SLC22A23: variants seen among roughly 807,000 people sequenced by gnomAD.
SLC22A23 encodes solute carrier family 22 member 23, also known as ion transporter protein.
A neutral mutation model predicts 61.0 loss-of-function variants in SLC22A23; 26 were observed. The ratio of observed to expected loss-of-function variants is 0.43; its 90% CI spans 0.31 to 0.59. SLC22A23 has a LOEUF of 0.59. SLC22A23 is among the 20% of genes least tolerant of loss of function. The probability of loss-of-function intolerance (pLI) is 0.11; values close to 1 mark genes in which losing one functional copy is unlikely to be tolerated. For missense variants in SLC22A23, 796 were observed against 934.7 expected (o/e 0.85, Z 1.94); for synonymous variants, 430 against 413.9 (o/e 1.04, Z -0.47).
At chr6:3,273,958 C>T (rs954109779) in intron 9 of SLC22A23, among the ~76,000 whole-genome samples, 5 of 152,190 alleles carry the variant, frequency 3.3e-5, no homozygotes, top group Admixed American at 6.5e-5. Flanking sequence ...TGATGGCCCA[C>T]GTGTCTCCTG....
At chr6:3,373,217 G>A (rs565763805) in intron 3 of SLC22A23, among the ~76,000 whole-genome samples, 28 of 152,334 alleles carry the variant, frequency 1.8e-4, no homozygotes, top group South Asian at 1.7e-3. Flanking sequence ...TCTCTAGTGC[G>A]ATTCCCTGGT....
intron 4 of SLC22A23, among the ~76,000 whole-genome samples, chr6:3,314,225 G>T (rs1381965071): frequency 2.6e-5 from 4 of 152,224 alleles, no homozygotes; most frequent in African/African-American, 9.6e-5. Context: ...TTCCTCCCAG[G>T]ACAGAAGTGT....
At chr6:3,299,028 G>A (rs1282325255) in intron 4 of SLC22A23, among the ~76,000 whole-genome samples, 1 of 150,814 alleles carries the variant, frequency 6.6e-6, no homozygotes, top group African/African-American at 2.5e-5. Context: ...TGATATTTGC[G>A]ATGATGGGCA....
chr6:3,289,787 G>A lies in SLC22A23; in HGVS notation c.1290C>T (p.Asn430=), dbSNP rs770532705. ...ACGAGTTCACACACAGGACCACAAT[G>A]TTCTTCCACAGGTTCCGTGTCCCCA... ...KVVGTRNLWK[N]IVVLCVNSLT... Residue 430 remains asparagine (N), a synonymous_variant, in exon 6 of 10, where the codon AAC becomes AAT. Coordinates refer to ENST00000406686, the MANE Select transcript of SLC22A23 (RefSeq NM_015482.2). 1.9e-6 allele frequency: 3 copies of A among 1,613,826 alleles called. No homozygotes were observed. Among genetic ancestry groups the A allele is most frequent in the South Asian group, 2.2e-5 (2 of 91,082 alleles).
chr6:3,435,871 C>T (rs533502523), intron 1 of SLC22A23, among the ~76,000 whole-genome samples: 4 of 152,162 alleles, frequency 2.6e-5, no homozygotes, highest in African/African-American at 9.7e-5. Flanking sequence ...GAGATGAGGA[C>T]ACAGACACAC....
In SLC22A23 at chr6:3,427,173, C is replaced by A. The variant is rs924988329; in HGVS notation, c.655-11318G>T. ...GGGGGCTCAGTTTTAACATCTATGACGTAGGAGTCGCAAAACCTTCACCAG... is the reference window on the plus strand; with the variant it reads ...GGGGGCTCAGTTTTAACATCTATGAAGTAGGAGTCGCAAAACCTTCACCAG... On this transcript the variant is annotated intron_variant, in intron 1 of 9. Coordinates refer to ENST00000406686, the MANE Select transcript of SLC22A23 (RefSeq NM_015482.2). The surrounding 1 kb of genome is among the most constrained non-coding windows in gnomAD (Gnocchi z 4.3). 6.6e-6 allele frequency among the ~76,000 whole-genome samples: 1 copy of A among 152,112 alleles called. No individual in the cohort carries two copies.
intron 3 of SLC22A23, among the ~76,000 whole-genome samples, chr6:3,332,815 A>G (rs1277796461): frequency 1.3e-5 from 2 of 152,062 alleles, no homozygotes; most frequent in South Asian, 2.1e-4. Context: ...CACATATTAC[A>G]TATCTTAATT....
chr6:3,273,479 G>C, intron 9 of SLC22A23, 67 bp from the exon 10 acceptor site: 1 of 1,562,884 alleles, frequency 6.4e-7, no homozygotes, highest in South Asian at 1.1e-5. Context: ...GGAAAGCTCG[G>C]GGTGGACCAG....
chr6:3,400,627 G>T (rs1768319931), intron 3 of SLC22A23, among the ~76,000 whole-genome samples: 1 of 152,240 alleles, frequency 6.6e-6, no homozygotes, highest in Non-Finnish European at 1.5e-5. Context: ...CAGCTACCTT[G>T]TTAAAGGTCA....
intron 3 of SLC22A23, among the ~76,000 whole-genome samples, chr6:3,394,535 C>A (rs913246862): frequency 4.6e-5 from 7 of 152,172 alleles, no homozygotes; most frequent in Non-Finnish European, 8.8e-5. Flanking sequence ...CCTACTGCAT[C>A]AAAGAGGAAA....
At chr6:3,337,865 TAAGGATTATTTTGAGTTG>T (rs776595074) in intron 3 of SLC22A23, among the ~76,000 whole-genome samples, 30 of 152,354 alleles carry the variant, frequency 2.0e-4, no homozygotes, top group Non-Finnish European at 3.8e-4. Context: ...TACTTTCGCA[TAAGGATTATTTTGAGTTG>T]AAGGCAATTG....
At chr6:3,395,719 A>T (rs1463684275) in intron 3 of SLC22A23, among the ~76,000 whole-genome samples, 4 of 152,190 alleles carry the variant, frequency 2.6e-5, no homozygotes. Flanking sequence ...AAAATTACGC[A>T]AAAAGGCAAC....
intron 4 of SLC22A23, among the ~76,000 whole-genome samples, chr6:3,298,675 G>A (rs1375111599): frequency 1.3e-5 from 2 of 152,104 alleles, no homozygotes; most frequent in Non-Finnish European, 2.9e-5. Flanking sequence ...CTAGGAGGAG[G>A]ATGTTAAATG....
At chr6:3,276,092 C>T (rs1581580912) in intron 9 of SLC22A23, among the ~76,000 whole-genome samples, 1 of 152,270 alleles carries the variant, frequency 6.6e-6, no homozygotes, top group Middle Eastern at 3.4e-3. Flanking sequence ...TCTCAGAATG[C>T]AATGGAAGAA....
rs1342684367 is a variant in SLC22A23, at chr6:3,390,359, A to G, written c.913+19829T>C. Among the ~76,000 whole-genome samples, 3 of 152,328 alleles carry G rather than the reference A, an allele frequency of 2.0e-5. No individual in the cohort carries two copies. In the East Asian group the frequency reaches 5.8e-4, roughly 29 times the overall value. On this transcript the variant is annotated intron_variant, in intron 3 of 9. Transcript: ENST00000406686. The surrounding 1 kb of genome is among the most constrained non-coding windows in gnomAD (Gnocchi z 4.0). Reference sequence around the variant, plus strand: ...TGTCAGAATGCAGAGAGATCTAAGTAGATCCTGCATCCCTCTTCTCTGCCC... The same window carrying G: ...TGTCAGAATGCAGAGAGATCTAAGTGGATCCTGCATCCCTCTTCTCTGCCC...
At chr6:3,348,913 C>G (rs1013275603) in intron 3 of SLC22A23, among the ~76,000 whole-genome samples, 8 of 152,240 alleles carry the variant, frequency 5.3e-5, no homozygotes, top group African/African-American at 1.7e-4. Flanking sequence ...GGAGAGTCAA[C>G]TGGTACTGTC....
At chr6:3,274,835 GAT>G (rs1465504895) in intron 9 of SLC22A23, among the ~76,000 whole-genome samples, 6 of 151,848 alleles carry the variant, frequency 4.0e-5, no homozygotes, top group African/African-American at 9.7e-5. Context: ...AAAATTAAAA[GAT>G]AAAAATAAAT....
At position 3,310,525 on chromosome 6, in the gene SLC22A23, C is replaced by T. The variant is rs74702471; in HGVS notation, c.1083-12307G>A. 9.0e-3 allele frequency among the ~76,000 whole-genome samples: 1,374 copies of T among 152,324 alleles called. 15 individuals are homozygous for T. The highest frequency in any genetic ancestry group is 0.031 in the African/African-American group (1,305 of 41,574). ...TTGTGGTCCACATTCCCATCTCTGT[C>T]CTCTTTTCTGGAGTGGGGATTTGGC... is the stretch of plus-strand genomic sequence containing the variant. On this transcript the variant is annotated intron_variant, in intron 4 of 9. Coordinates refer to ENST00000406686, the MANE Select transcript of SLC22A23 (RefSeq NM_015482.2).
intron 4 of SLC22A23, among the ~76,000 whole-genome samples, chr6:3,298,695 G>A (rs901490444): frequency 4.6e-5 from 7 of 152,144 alleles, no homozygotes; most frequent in Non-Finnish European, 8.8e-5. Context: ...GTTCCCGGCC[G>A]GGCGCGGTGG....
Sources: allele counts gnomAD v4.1 joint callset (sites outside exome capture counted in the v4.1 genomes callset), GRCh38; gene constraint gnomAD v4.1.1; non-coding constraint Gnocchi (gnomAD v3.1); transcripts MANE v1.5; gene names NCBI Gene and HGNC (gene_info 2026-07-23, HGNC 2026-07-21).